The following ROR2 variants were observed in gnomAD, a reference collection of about 807,000 sequenced individuals.
ROR2 encodes the protein ROR family WNT receptor 2, also known as tyrosine-protein kinase transmembrane receptor ROR2.
ROR2 carries 33 observed loss-of-function variants against 74.9 expected under a neutral mutation model. The observed-to-expected ratio is 0.44, with a 90% CI of 0.33 to 0.59. ROR2 has a LOEUF of 0.59. ROR2 is among the 20% of genes least tolerant of loss of function. ROR2 has a pLI of 0.02. For synonymous variants in ROR2, 586 were observed against 558.7 expected (o/e 1.05, Z -0.69); for missense variants, 1,216 against 1,313.8 (o/e 0.93, Z 1.15).
intron 4 of ROR2, among the ~76,000 whole-genome samples, chr9:91,748,420 T>A (rs949254556): frequency 6.6e-6 from 1 of 152,218 alleles, no homozygotes; most frequent in Admixed American, 6.5e-5. Flanking sequence ...TGTTGTACAC[T>A]GGAATATAGA....
At chr9:91,798,909 G>T (rs936975085) in intron 1 of ROR2, among the ~76,000 whole-genome samples, 1 of 152,104 alleles carries the variant, frequency 6.6e-6, no homozygotes, top group Non-Finnish European at 1.5e-5. Flanking sequence ...GATACACCAC[G>T]CAGCAGAGAC....
intron 1 of ROR2, among the ~76,000 whole-genome samples, chr9:91,942,139 G>A (rs1425272122): frequency 6.6e-6 from 1 of 152,114 alleles, no homozygotes; most frequent in Admixed American, 6.5e-5. Context: ...CATCGCTCAT[G>A]TCCTCGACAA....
chr9:91,949,036 G>T, intron 1 of ROR2: 3 of 697,488 alleles, frequency 4.3e-6, no homozygotes, highest in Non-Finnish European at 5.3e-6. Context: ...CAGGGACTCG[G>T]GGGAAGTGGG....
intron 1 of ROR2, among the ~76,000 whole-genome samples, chr9:91,809,108 A>C (rs1014229052): frequency 6.6e-6 from 1 of 152,100 alleles, no homozygotes. Flanking sequence ...ATTAAATCAA[A>C]TCCTCTTGCC....
intron 1 of ROR2, among the ~76,000 whole-genome samples, chr9:91,896,237 G>A (rs1005498562): frequency 6.6e-6 from 1 of 152,162 alleles, no homozygotes; most frequent in Non-Finnish European, 1.5e-5. Context: ...CTTAGACTGC[G>A]TGTCCTTCCT....
chr9:91,891,200 T>C (rs1020472290), intron 1 of ROR2, among the ~76,000 whole-genome samples: 3 of 152,118 alleles, frequency 2.0e-5, no homozygotes, highest in Non-Finnish European at 2.9e-5. Flanking sequence ...CATGGCTGGG[T>C]TCCCACCTCT....
intron 1 of ROR2, among the ~76,000 whole-genome samples, chr9:91,912,058 T>C (rs1831005037): frequency 1.3e-5 from 2 of 150,868 alleles, no homozygotes; most frequent in Admixed American, 1.3e-4. Context: ...TGTCACAAAC[T>C]AGAAACAAAT....
chr9:91,845,393 C>G (rs1445784899), intron 1 of ROR2, among the ~76,000 whole-genome samples: 1 of 151,568 alleles, frequency 6.6e-6, no homozygotes, highest in East Asian at 1.9e-4. Context: ...AGAGGATGTT[C>G]AGAGAGACAT....
intron 1 of ROR2, among the ~76,000 whole-genome samples, chr9:91,901,061 G>A (rs1830665223): frequency 1.3e-5 from 2 of 152,154 alleles, no homozygotes; most frequent in South Asian, 4.1e-4. Flanking sequence ...AGCCAGGAAG[G>A]TCGGGCAGAA....
rs1349385995 is a variant in ROR2, at chr9:91,733,267, G to A, written c.792C>T (p.Cys264=). 13 of 1,612,716 alleles carry A rather than the reference G, an allele frequency of 8.1e-6. No individual in the cohort carries two copies. The highest frequency in any genetic ancestry group is 1.1e-5 in the Non-Finnish European group (13 of 1,179,740). The change falls in exon 6 of 9, where the codon TGC becomes TGT. Residue 264 remains cysteine (C), a synonymous_variant. Transcript: ENST00000375708. The surrounding 1 kb of genome is among the most constrained non-coding windows in gnomAD (Gnocchi z 5.7). ...DECEVLESDL[C]RQEYTIARSN... is the part of the protein sequence containing the mutation. Reference sequence around the variant, plus strand: ...AGCGGGCGATGGTGTACTCCTGGCGGCACAGGTCGCTCTCCAGCACCTCGC... The same window carrying A: ...AGCGGGCGATGGTGTACTCCTGGCGACACAGGTCGCTCTCCAGCACCTCGC...
chr9:91,949,955 C>G lies in ROR2; in HGVS notation c.9G>C (p.Arg3=). ...GCGGCCGCCGCGGGAGCGCCGAGCC[C>G]CGGGCCATGCCGCAGGCAGTGGGGG... MA[R]GSALPRRPLL... The change falls in exon 1 of 9, where the codon CGG becomes CGC. Residue 3 remains arginine (R), a synonymous_variant. Coordinates refer to ENST00000375708, the MANE Select transcript of ROR2 (RefSeq NM_004560.4). 6.8e-7 allele frequency: 1 copy of G among 1,478,058 alleles called. No homozygotes were observed. Among genetic ancestry groups the G allele is most frequent in the Non-Finnish European group, 8.9e-7 (1 of 1,121,426 alleles). 91.6% of individuals were successfully genotyped at this position (1,478,058 alleles called of 1,614,324 possible).
At chr9:91,882,183 GGGT>G (rs1830130194) in intron 1 of ROR2, among the ~76,000 whole-genome samples, 1 of 151,972 alleles carries the variant, frequency 6.6e-6, no homozygotes, top group Non-Finnish European at 1.5e-5. Context: ...AGGCTGAGGC[GGGT>G]GGATCTTGAG....
chr9:91,845,187 C>T (rs940719441), intron 1 of ROR2, among the ~76,000 whole-genome samples: 34 of 152,104 alleles, frequency 2.2e-4, no homozygotes, highest in Middle Eastern at 3.2e-3. Flanking sequence ...CTGCACGCAC[C>T]CCTCCCCACC....
At chr9:91,948,046 C>G (rs1163884207) in intron 1 of ROR2, among the ~76,000 whole-genome samples, 4 of 151,954 alleles carry the variant, frequency 2.6e-5, no homozygotes. Context: ...ACTCCAATTG[C>G]TTTGTTCATA....
intron 1 of ROR2, among the ~76,000 whole-genome samples, chr9:91,912,279 G>C (rs1002578808): frequency 6.6e-6 from 1 of 152,182 alleles, no homozygotes; most frequent in South Asian, 2.1e-4. Flanking sequence ...AGGGAATATG[G>C]AACAGTTTTT....
chr9:91,868,537 A>G (rs1241378408), intron 1 of ROR2, among the ~76,000 whole-genome samples: 1 of 152,238 alleles, frequency 6.6e-6, no homozygotes, highest in Non-Finnish European at 1.5e-5. Context: ...AACTGATGAA[A>G]ATTAAAGACA....
At chr9:91,928,508 C>G (rs1361863983) in intron 1 of ROR2, among the ~76,000 whole-genome samples, 1 of 152,154 alleles carries the variant, frequency 6.6e-6, no homozygotes. Flanking sequence ...CACCGCTGAC[C>G]CTGGGCAAGG....
At chr9:91,942,832 A>G (rs1342898820) in intron 1 of ROR2, among the ~76,000 whole-genome samples, 1 of 152,162 alleles carries the variant, frequency 6.6e-6, no homozygotes, top group Non-Finnish European at 1.5e-5. Flanking sequence ...GAGGCAAAAA[A>G]GTTTTCTCCC....
chr9:91,754,378 C>A (rs1307471111), intron 4 of ROR2, among the ~76,000 whole-genome samples: 1 of 151,492 alleles, frequency 6.6e-6, no homozygotes, highest in African/African-American at 2.4e-5. Context: ...AAATATAGGC[C>A]GGGTGCAGTG....
Sources: allele counts gnomAD v4.1 joint callset (sites outside exome capture counted in the v4.1 genomes callset), GRCh38; gene constraint gnomAD v4.1.1; non-coding constraint Gnocchi (gnomAD v3.1); transcripts MANE v1.5; gene names NCBI Gene and HGNC (gene_info 2026-07-23, HGNC 2026-07-21).